The following APOL4 variants were observed in gnomAD, a reference collection of about 807,000 sequenced individuals.
The protein encoded by APOL4 is apolipoprotein L, 4.
A neutral mutation model predicts 12.1 loss-of-function variants in APOL4; 14 were observed. That is an observed-to-expected ratio of 1.16 (90% confidence interval 0.76 to 1.81). The LOEUF is 1.81. Ranked by LOEUF, APOL4 falls within the 40% of genes most tolerant of loss-of-function variation. The probability of loss-of-function intolerance (pLI) is 0.00; values close to 1 mark genes in which losing one functional copy is unlikely to be tolerated. For missense variants in APOL4, 432 were observed against 423.1 expected (o/e 1.02, Z -0.18); for synonymous variants, 171 against 160.6 (o/e 1.06, Z -0.49).
chr22:36,201,110 G>A (rs939301167), intron 1 of APOL4, among the ~76,000 whole-genome samples: 1 of 150,838 alleles, frequency 6.6e-6, no homozygotes, highest in Non-Finnish European at 1.5e-5. Context: ...ATAGAGGGAG[G>A]GTACAAATAA....
chr22:36,194,698 C>A (rs903606383), intron 3 of APOL4, among the ~76,000 whole-genome samples: 1 of 152,172 alleles, frequency 6.6e-6, no homozygotes, highest in South Asian at 2.1e-4. Context: ...GGATCCACCC[C>A]AGCTCTGTCC....
Position 36,191,387 on chromosome 22 carries a change from A to T in APOL4, c.735T>A (p.His245Gln). ...CAGTGGCTTTAGATCTCCTGAGTGT[A>T]TGGACATCATTCGCAATCATTTTTG... ...EATKMIANDV[H>Q]TLRRSKATVG... The change falls in exon 4 of 4, where the codon CAT becomes CAA. Residue 245 changes from histidine (H) to glutamine (Q), a missense_variant. Transcript: ENST00000683024. 1 of 1,614,068 alleles carries T rather than the reference A, an allele frequency of 6.2e-7. No individual in the cohort carries two copies. Among genetic ancestry groups the T allele is most frequent in the South Asian group, 1.1e-5 (1 of 91,088 alleles).
rs183480645 is a variant in APOL4 at position 36,195,109 on chromosome 22, C to T, written c.209+202G>A. ...GCAGAACTGACCCTGCCCTTGTGGG[C>T]TTCTTCTCCCCTCAGCCTGAGGTCA... On this transcript the variant is annotated intron_variant, in intron 3 of 3. Coordinates refer to ENST00000683024, the MANE Select transcript of APOL4 (RefSeq NM_001386885.1). The T allele has an allele frequency of 1.0e-3, 594 of 578,814 alleles. 3 individuals carry two copies. Among genetic ancestry groups the T allele is most frequent in the African/African-American group, 0.01 (524 of 51,806 alleles). 35.9% of individuals were successfully genotyped at this position (578,814 alleles called of 1,614,324 possible).
chr22:36,196,232 G>A (rs1418871062), intron 2 of APOL4, among the ~76,000 whole-genome samples: 1 of 152,202 alleles, frequency 6.6e-6, no homozygotes, highest in East Asian at 1.9e-4. Flanking sequence ...TGTGTCAAGA[G>A]CAGCATTTTA....
upstream of APOL4, among the ~76,000 whole-genome samples, chr22:36,203,324 A>G (rs1054095317): frequency 6.6e-6 from 1 of 152,142 alleles, no homozygotes; most frequent in African/African-American, 2.4e-5. Context: ...CAGTTTAGTG[A>G]GGGCGGGGGT....
chr22:36,203,916 C>A (rs189359795), upstream of APOL4, among the ~76,000 whole-genome samples: 108 of 152,320 alleles, frequency 7.1e-4, no homozygotes, highest in African/African-American at 2.5e-3. Flanking sequence ...TTCAGGGGGT[C>A]TCCCTACAGT....
At chr22:36,202,088 G>T, upstream of APOL4, 1 of 1,612,716 alleles carries the variant, frequency 6.2e-7, no homozygotes, top group Non-Finnish European at 8.5e-7. Context: ...GAGACAGTGT[G>T]CTCCTCCTGA....
rs567384882 is a variant in APOL4 at position 36,191,025 on chromosome 22, T to G, written c.*50A>C. The G allele has an allele frequency of 5.6e-5, 83 of 1,484,092 alleles. No individual in the cohort carries two copies. Among genetic ancestry groups the G allele is most frequent in the Admixed American group, 6.6e-5 (3 of 45,734 alleles). 91.9% of individuals were successfully genotyped at this position (1,484,092 alleles called of 1,614,324 possible). ...ACAATCCACGTTCTTCTGCCATGGCTTCAGCCAGTCCCTCCGTTTGGGGTC... is the reference window on the plus strand; with the variant it reads ...ACAATCCACGTTCTTCTGCCATGGCGTCAGCCAGTCCCTCCGTTTGGGGTC... On this transcript the variant is annotated 3_prime_UTR_variant, in exon 4 of 4. Coordinates refer to ENST00000683024, the MANE Select transcript of APOL4 (RefSeq NM_001386885.1).
rs565185287 is a variant in APOL4 at position 36,190,947 on chromosome 22, G to C, written c.*128C>G. 94 of 859,866 alleles carry C rather than the reference G, an allele frequency of 1.1e-4. No individual in the cohort carries two copies. In the African/African-American group the frequency reaches 1.4e-3, roughly 13 times the overall value. The allele number at this position is 859,866 out of a possible 1,614,324, so 53.3% of individuals were successfully genotyped here. ...AGAGATTGCGGTAAAGACAGGCATA[G>C]GAAATTATAAAAGTATTAATTTGGG... On this transcript the variant is annotated 3_prime_UTR_variant, in exon 4 of 4. Coordinates refer to ENST00000683024, the MANE Select transcript of APOL4 (RefSeq NM_001386885.1).
Position 36,191,106 on chromosome 22 carries a change from G to C in APOL4, c.1016C>G (p.Thr339Ser). 1 of 1,607,864 alleles carries C rather than the reference G, an allele frequency of 6.2e-7. No homozygotes were observed. ...TGCTTTTAGACTCTGATGGATATGG[G>C]TGAGCTCATTGAGATTCTCCTCCAG... ...QELEENLNELTHIHQSLKAG is the reference protein window; with the variant it reads ...QELEENLNELSHIHQSLKAG The change falls in exon 4 of 4, where the codon ACC becomes AGC. Residue 339 changes from threonine (T) to serine (S), a missense_variant. Coordinates refer to ENST00000683024, the MANE Select transcript of APOL4 (RefSeq NM_001386885.1).
At chr22:36,197,888 G>A in intron 2 of APOL4, 1 of 1,493,720 alleles carries the variant, frequency 6.7e-7, no homozygotes, top group Non-Finnish European at 8.9e-7. Flanking sequence ...ACTCAGCACT[G>A]GGTCTGACCC....
rs376753064 is a variant in APOL4 at position 36,201,691 on chromosome 22, C to G, written c.35+9G>C. Reference sequence around the variant, plus strand: ...GCAGGAGGGCAGAGAGCTGGGGCCTCGGACTCACCCGACGCTTGTGATGAG... The same window carrying G: ...GCAGGAGGGCAGAGAGCTGGGGCCTGGGACTCACCCGACGCTTGTGATGAG... On this transcript the variant is annotated intron_variant, in intron 1 of 3. Coordinates refer to ENST00000683024, the MANE Select transcript of APOL4 (RefSeq NM_001386885.1). 1 of 1,603,176 alleles carries G rather than the reference C, an allele frequency of 6.2e-7. No homozygotes were observed. The highest frequency in any genetic ancestry group is 8.5e-7 in the Non-Finnish European group (1 of 1,175,706).
chr22:36,197,191 G>C (rs1303451352), intron 2 of APOL4, among the ~76,000 whole-genome samples: 1 of 152,186 alleles, frequency 6.6e-6, no homozygotes, highest in Admixed American at 6.5e-5. Flanking sequence ...GATTGGCTGA[G>C]AGCTCTCAGC....
At chr22:36,195,782 A>T (rs879892611) in intron 2 of APOL4, among the ~76,000 whole-genome samples, 9,435 of 68,840 alleles carry the variant, frequency 0.14, 313 homozygotes, top group East Asian at 0.38. Flanking sequence ...TCTCTCACAC[A>T]CACACACACA....
chr22:36,201,674 G>T, intron 1 of APOL4, 26 bp downstream of exon 1: 1 of 1,593,042 alleles, frequency 6.3e-7, no homozygotes, highest in Middle Eastern at 1.7e-4. Flanking sequence ...GAGCAGGAGG[G>T]CAGAGAGCTG....
chr22:36,199,407 G>C (rs761572969), intron 1 of APOL4, 31 bp from the exon 2 acceptor site: 1 of 1,614,010 alleles, frequency 6.2e-7, no homozygotes, highest in African/African-American at 1.3e-5. Context: ...TTGTGGGATT[G>C]AATGTGAGCC....
At chr22:36,194,600 T>C (rs746517372) in intron 3 of APOL4, among the ~76,000 whole-genome samples, 20 of 152,134 alleles carry the variant, frequency 1.3e-4, no homozygotes, top group Non-Finnish European at 2.9e-4. Flanking sequence ...TCCCATCTGA[T>C]TGAATTACTA....
At chr22:36,194,685 C>A (rs1015238660) in intron 3 of APOL4, among the ~76,000 whole-genome samples, 1 of 152,154 alleles carries the variant, frequency 6.6e-6, no homozygotes, top group Admixed American at 6.5e-5. Flanking sequence ...AGGGACAGAG[C>A]CAGGATCCAC....
intron 2 of APOL4, among the ~76,000 whole-genome samples, 165 bp downstream of exon 2, chr22:36,199,165 G>A (rs1427958295): frequency 2.6e-5 from 4 of 152,218 alleles, no homozygotes; most frequent in East Asian, 1.9e-4. Flanking sequence ...GGGACTCCAC[G>A]TGGCCTCTCT....
Sources: gnomAD v4.1 joint callset for allele counts (sites outside exome capture counted in the v4.1 genomes callset) on GRCh38, gnomAD v4.1.1 for gene constraint, MANE v1.5 for transcripts, NCBI Gene and HGNC (gene_info 2026-07-23, HGNC 2026-07-21) for gene names.